TMPRSS2: variants seen among roughly 807,000 people sequenced by gnomAD.
The protein encoded by TMPRSS2 is transmembrane protease serine 2.
In TMPRSS2, 59 loss-of-function variants were observed where a neutral mutation model predicts 67.4. The observed-to-expected ratio is 0.88, with a 90% CI of 0.71 to 1.09. TMPRSS2 has a LOEUF of 1.09. Among genes scored for constraint, TMPRSS2 ranks in the 50% least tolerant of loss-of-function variants. TMPRSS2 has a pLI of 0.00. For synonymous variants in TMPRSS2, 257 were observed against 257.0 expected (o/e 1.00, Z 0.00); for missense variants, 668 against 642.7 (o/e 1.04, Z -0.43).
rs1208664537 is a variant in TMPRSS2 at position 41,471,790 on chromosome 21, C to A, written c.1075+16G>T. 6.3e-7 allele frequency: 1 copy of A among 1,579,718 alleles called. No individual in the cohort carries two copies. The highest frequency in any genetic ancestry group is 8.6e-7 in the Non-Finnish European group (1 of 1,158,248). ...AGATTCTGCCAACCTGCTTGCCAAG[C>A]CTGAGCCACACGTACCGTTGAAAGT... On this transcript the variant is annotated intron_variant, in intron 10 of 13. Coordinates refer to ENST00000332149, the MANE Select transcript of TMPRSS2 (RefSeq NM_005656.4).
chr21:41,507,257 C>CGGGCAGGACAGGATGAGGT (rs2091464169), intron 1 of TMPRSS2, among the ~76,000 whole-genome samples: 1 of 152,198 alleles, frequency 6.6e-6, no homozygotes, highest in Non-Finnish European at 1.5e-5. Flanking sequence ...TGTGCCGAGC[C>CGGGCAGGACAGGATGAGGT]GGGCAGGACA....
chr21:41,498,042 C>A, intron 2 of TMPRSS2, 77 bp downstream of exon 2: 2 of 1,156,972 alleles, frequency 1.7e-6, no homozygotes, highest in South Asian at 1.3e-5. Context: ...CAATTGCTGA[C>A]CCCAAACAAT....
intron 5 of TMPRSS2, among the ~76,000 whole-genome samples, chr21:41,481,293 G>A (rs930641606): frequency 3.9e-5 from 6 of 152,162 alleles, no homozygotes; most frequent in Non-Finnish European, 5.9e-5. Flanking sequence ...ACCTGGATGA[G>A]TGCTGAAGAC....
Position 41,479,216 on chromosome 21 carries a change from G to T in TMPRSS2, c.639C>A (p.Asn213Lys), listed in dbSNP as rs1326192818. ...DSGSTSFMKL[N>K]TSAGNVDIYK... ...AGATATCGACATTGCCGGCACTTGT[G>T]TTCAGTTTCATAAAGCTGGTGGATC... is the stretch of plus-strand genomic sequence containing the variant. Residue 213 changes from asparagine (N) to lysine (K), a missense_variant, in exon 7 of 14, where the codon AAC becomes AAA. Asn to Lys is a moderately conservative substitution (Grantham distance 94). Coordinates refer to ENST00000332149, the MANE Select transcript of TMPRSS2 (RefSeq NM_005656.4). 10 of 1,613,880 alleles carry T rather than the reference G, an allele frequency of 6.2e-6. No homozygotes were observed. In the Admixed American group the frequency reaches 1.7e-4, roughly 27 times the overall value.
Position 41,464,911 on chromosome 21 carries a change from A to G in TMPRSS2, c.*1231T>C. 1 of 233,294 alleles carries G rather than the reference A, an allele frequency of 4.3e-6. No individual in the cohort carries two copies. The highest frequency in any genetic ancestry group is 8.5e-6 in the Non-Finnish European group (1 of 118,050). 14.5% of individuals were successfully genotyped at this position (233,294 alleles called of 1,614,324 possible). A position where few individuals can be genotyped will look rare whatever the true frequency, so the allele number is the denominator to read the frequency against. ...GCCTGCTTGGCCAGGAGGCAGAACC[A>G]TGGTAGAGTAGTGCTCATGGTTATG... On this transcript the variant is annotated 3_prime_UTR_variant, in exon 14 of 14. Coordinates refer to ENST00000332149, the MANE Select transcript of TMPRSS2 (RefSeq NM_005656.4).
In TMPRSS2 at chr21:41,490,558, T is replaced by G. The variant is rs1315753045; in HGVS notation, c.239-965A>C. 3.3e-5 allele frequency among the ~76,000 whole-genome samples: 5 copies of G among 152,168 alleles called. No individual in the cohort carries two copies. The East Asian group carries it at 5.8e-4, about 18-fold the overall frequency. ...GCCAGTGCAGGCCTTTTGGTCCAAG[T>G]GCAGAAATACCAAACTCAGAGGAAA... On this transcript the variant is annotated intron_variant, in intron 3 of 13. Coordinates refer to ENST00000332149, the MANE Select transcript of TMPRSS2 (RefSeq NM_005656.4).
chr21:41,500,343 C>T (rs1417267679), intron 1 of TMPRSS2, among the ~76,000 whole-genome samples: 1 of 152,198 alleles, frequency 6.6e-6, no homozygotes, highest in Non-Finnish European at 1.5e-5. Flanking sequence ...CATTTAACAA[C>T]CTGCTGAAGG....
chr21:41,470,831 G>T, intron 10 of TMPRSS2, 88 bp from the exon 11 acceptor site: 1 of 1,100,184 alleles, frequency 9.1e-7, no homozygotes, highest in Non-Finnish European at 1.3e-6. Flanking sequence ...GCTGGGCCTG[G>T]CACCCTGGCC....
rs377623945 is a variant in TMPRSS2, at chr21:41,466,053, T to A, written c.*89A>T. 2.7e-6 allele frequency: 4 copies of A among 1,485,952 alleles called. No individual in the cohort carries two copies. The East Asian group carries it at 9.1e-5, about 34-fold the overall frequency. The allele number at this position is 1,485,952 out of a possible 1,614,324, so 92.0% of individuals were successfully genotyped here. ...TAATAAAAATGAAGTGACCTCTGAA[T>A]CATCTCTAAGAGTAAATCATGCACG... On this transcript the variant is annotated 3_prime_UTR_variant, in exon 14 of 14. Coordinates refer to ENST00000332149, the MANE Select transcript of TMPRSS2 (RefSeq NM_005656.4).
intron 1 of TMPRSS2, among the ~76,000 whole-genome samples, chr21:41,500,147 C>G (rs2091414322): frequency 6.6e-6 from 1 of 152,236 alleles, no homozygotes; most frequent in South Asian, 2.1e-4. Flanking sequence ...GCCACTCACT[C>G]TCCATGACCT....
intron 13 of TMPRSS2, 134 bp downstream of exon 13, chr21:41,467,600 G>A (rs1034977844): frequency 4.0e-6 from 4 of 1,000,672 alleles, no homozygotes; most frequent in South Asian, 1.6e-5. Flanking sequence ...GGCTGTGGCT[G>A]GAGGAAGCAG....
intron 13 of TMPRSS2, among the ~76,000 whole-genome samples, chr21:41,466,358 G>T (rs1013914828): frequency 6.6e-6 from 1 of 152,216 alleles, no homozygotes; most frequent in African/African-American, 2.4e-5. Context: ...AGCGGGCAGC[G>T]GATGTGGAGG....
intron 7 of TMPRSS2, among the ~76,000 whole-genome samples, chr21:41,477,885 A>C (rs908148016): frequency 2.6e-5 from 4 of 151,122 alleles, no homozygotes; most frequent in Non-Finnish European, 4.4e-5. Context: ...GCCTCCCCCC[A>C]CCACCACCAC....
At chr21:41,498,905 G>A (rs1160535969) in intron 1 of TMPRSS2, among the ~76,000 whole-genome samples, 1 of 152,092 alleles carries the variant, frequency 6.6e-6, no homozygotes, top group Non-Finnish European at 1.5e-5. Flanking sequence ...GGGAGAGTGG[G>A]GAAAGAGTGC....
rs1412958003 is a variant in TMPRSS2 at position 41,473,501 on chromosome 21, G to A, written c.728-5C>T. On this transcript the variant is annotated splice_polypyrimidine_tract_variant and splice_region_variant and intron_variant, in intron 8 of 13. Coordinates refer to ENST00000332149, the MANE Select transcript of TMPRSS2 (RefSeq NM_005656.4). Reference sequence around the variant, plus strand: ...AGTTCAAGTTGACCCCGCAGGCTGAGGATGACAAACAGGAGGCCAGTGGGG... The same window carrying A: ...AGTTCAAGTTGACCCCGCAGGCTGAAGATGACAAACAGGAGGCCAGTGGGG... 6.2e-7 allele frequency: 1 copy of A among 1,604,080 alleles called. No individual in the cohort carries two copies. Among genetic ancestry groups the A allele is most frequent in the Non-Finnish European group, 8.5e-7 (1 of 1,175,164 alleles).
rs771877137 is a variant in TMPRSS2 at position 41,488,424 on chromosome 21, A to G, written c.415T>C (p.Cys139Arg). 7.4e-6 allele frequency: 12 copies of G among 1,613,532 alleles called. No homozygotes were observed. The highest frequency in any genetic ancestry group is 1.0e-5 in the Non-Finnish European group (12 of 1,179,676). The part of the protein sequence containing the change: ...PSNWCDGVSH[C>R]PGGEDENRCV... ...CGATTCTCGTCCTCCCCGCCGGGGC[A>G]GTGTGACACGCCATCACACCAGTTA... The change falls in exon 5 of 14, where the codon TGC becomes CGC. Residue 139 changes from cysteine to arginine, a missense_variant. Cys to Arg is a radical substitution (Grantham distance 180). Coordinates refer to ENST00000332149, the MANE Select transcript of TMPRSS2 (RefSeq NM_005656.4).
chr21:41,479,039 A>C (rs73372193), intron 7 of TMPRSS2, 133 bp downstream of exon 7: 13,259 of 674,576 alleles, frequency 0.02, 954 homozygotes, highest in African/African-American at 0.18. Flanking sequence ...TCAGACTCTA[A>C]TCTCCTCCCA....
chr21:41,468,637 T>C, intron 11 of TMPRSS2, 99 bp from the exon 12 acceptor site: 1 of 1,396,576 alleles, frequency 7.2e-7, no homozygotes, highest in South Asian at 1.3e-5. Context: ...ACTACACAGA[T>C]GGTCACAGCC....
In TMPRSS2 at chr21:41,464,667, G is replaced by C. The variant is rs929663872; in HGVS notation, c.*1475C>G. 3.9e-5 allele frequency: 9 copies of C among 233,034 alleles called. No individual in the cohort carries two copies. Among genetic ancestry groups the C allele is most frequent in the African/African-American group, 1.8e-4 (8 of 45,318 alleles). 14.4% of individuals were successfully genotyped at this position (233,034 alleles called of 1,614,324 possible). ...AACAGTTGTTCACATAAATAAGAAG[G>C]GGCAATAAAGAAGGAAGACGTTTTC... On this transcript the variant is annotated 3_prime_UTR_variant, in exon 14 of 14. Transcript: ENST00000332149.
Sources: gnomAD v4.1 joint callset for allele counts (sites outside exome capture counted in the v4.1 genomes callset) on GRCh38, gnomAD v4.1.1 for gene constraint, MANE v1.5 for transcripts, NCBI Gene and HGNC (gene_info 2026-07-23, HGNC 2026-07-21) for gene names.